Variants in PIGU observed in about 807,000 individuals in gnomAD.
PIGU encodes the protein GPI-anchor transamidase component PIGU.
In PIGU, 24 loss-of-function variants were observed where a neutral mutation model predicts 49.9. That is an observed-to-expected ratio of 0.48 (90% confidence interval 0.35 to 0.68). The LOEUF (loss-of-function observed/expected upper bound fraction) is 0.68. Among genes scored for constraint, PIGU ranks in the 30% least tolerant of loss-of-function variants. The probability of loss-of-function intolerance (pLI) is 0.01; values close to 1 mark genes in which losing one functional copy is unlikely to be tolerated. For missense variants in PIGU, 490 were observed against 532.6 expected (o/e 0.92, Z 0.79); for synonymous variants, 220 against 205.7 (o/e 1.07, Z -0.59).
chr20:34,587,266 A>G (rs1458358690), intron 8 of PIGU, among the ~76,000 whole-genome samples: 1 of 152,204 alleles, frequency 6.6e-6, no homozygotes, highest in East Asian at 1.9e-4. Flanking sequence ...AACCGCTGCT[A>G]TTTAATATAA....
intron 7 of PIGU, among the ~76,000 whole-genome samples, chr20:34,604,922 C>T (rs1463240046): frequency 6.6e-6 from 1 of 152,068 alleles, no homozygotes; most frequent in Non-Finnish European, 1.5e-5. Flanking sequence ...AGGCCTCAAA[C>T]CATCCAAGGG....
chr20:34,574,736 G>T (rs991461099), intron 11 of PIGU, among the ~76,000 whole-genome samples: 27 of 152,074 alleles, frequency 1.8e-4, no homozygotes, highest in African/African-American at 6.3e-4. Flanking sequence ...TACAGAAAGG[G>T]GTGCCTCAGA....
intron 6 of PIGU, among the ~76,000 whole-genome samples, chr20:34,622,100 C>T (rs968416131): frequency 6.6e-6 from 1 of 152,122 alleles, no homozygotes; most frequent in Non-Finnish European, 1.5e-5. Context: ...AAAAGGGGCT[C>T]CCGTGGATGC....
At chr20:34,561,027 A>C in intron 11 of PIGU, 48 bp from the exon 12 acceptor site, 1 of 1,348,052 alleles carries the variant, frequency 7.4e-7, no homozygotes, top group Non-Finnish European at 1.0e-6. Flanking sequence ...CCTCCCCCTA[A>C]ACCCAGGATC....
At chr20:34,647,673 T>C (rs73260938) in intron 2 of PIGU, among the ~76,000 whole-genome samples, 183 of 152,282 alleles carry the variant, frequency 1.2e-3, no homozygotes, top group African/African-American at 4.2e-3. Context: ...CCATTCTTTT[T>C]ATATTTTTAT....
At chr20:34,606,350 G>T (rs889472901) in intron 7 of PIGU, among the ~76,000 whole-genome samples, 4 of 150,368 alleles carry the variant, frequency 2.7e-5, no homozygotes, top group African/African-American at 9.8e-5. Flanking sequence ...CTTTATAGCT[G>T]TTTTTTTCAA....
chr20:34,649,435 G>A (rs1318061897), intron 2 of PIGU, among the ~76,000 whole-genome samples: 3 of 142,968 alleles, frequency 2.1e-5, no homozygotes, highest in Non-Finnish European at 4.5e-5. Context: ...CTCCAAGTTT[G>A]AATCTAGGTA....
At chr20:34,675,854 A>C (rs1334271096) in intron 1 of PIGU, among the ~76,000 whole-genome samples, 1 of 152,078 alleles carries the variant, frequency 6.6e-6, no homozygotes, top group Non-Finnish European at 1.5e-5. Flanking sequence ...TAAACAAAAA[A>C]CAAAAACAAA....
At chr20:34,668,981 C>T (rs1025332187) in intron 1 of PIGU, among the ~76,000 whole-genome samples, 9 of 141,882 alleles carry the variant, frequency 6.3e-5, no homozygotes, top group African/African-American at 2.3e-4. Context: ...TCATCCCAGG[C>T]TCAAGCAATC....
rs1282501904 is a variant in PIGU, at chr20:34,634,756, CA to C, written c.429-42del. 4 of 1,598,328 alleles carry C rather than the reference CA, an allele frequency of 2.5e-6. No homozygotes were observed. In the African/African-American group the frequency reaches 5.4e-5, roughly 21 times the overall value. ...CATATTTGGCATTAGTAATCCTGACCAAGGAGCCCTCGCCATTACAGCAAGG... is the reference window on the plus strand; with the variant it reads ...CATATTTGGCATTAGTAATCCTGACCAGGAGCCCTCGCCATTACAGCAAGG... On this transcript the variant is annotated intron_variant, in intron 5 of 11. Coordinates refer to ENST00000217446, the MANE Select transcript of PIGU (RefSeq NM_080476.5).
intron 7 of PIGU, among the ~76,000 whole-genome samples, chr20:34,593,785 T>C (rs1176172017): frequency 1.3e-5 from 2 of 152,152 alleles, no homozygotes; most frequent in Non-Finnish European, 1.5e-5. Context: ...GAAAAAAACA[T>C]GGTGAACTTG....
In PIGU at chr20:34,624,550, A is replaced by G. The variant is rs186436994; in HGVS notation, c.530-8411T>C. Among the ~76,000 whole-genome samples the G allele has an allele frequency of 2.2e-3, 335 of 152,350 alleles. 1 individual carries two copies. The highest frequency in any genetic ancestry group is 7.6e-3 in the African/African-American group (315 of 41,584). On this transcript the variant is annotated intron_variant, in intron 6 of 11. Coordinates refer to ENST00000217446, the MANE Select transcript of PIGU (RefSeq NM_080476.5). ...AAAGCTGGAAGAACCCTTAGGTGGC[A>G]AACTTCAAGAATATCTCGCTGTTGA...
chr20:34,598,111 T>G (rs1162977817), intron 7 of PIGU, among the ~76,000 whole-genome samples: 1 of 151,800 alleles, frequency 6.6e-6, no homozygotes, highest in African/African-American at 2.4e-5. Flanking sequence ...AGGGAAGGAG[T>G]GCAGTGTAGA....
chr20:34,603,995 G>A (rs1658375756), intron 7 of PIGU, among the ~76,000 whole-genome samples: 1 of 152,080 alleles, frequency 6.6e-6, no homozygotes, highest in African/African-American at 2.4e-5. Flanking sequence ...AAAGGGGACA[G>A]ATCTTACAAT....
intron 2 of PIGU, among the ~76,000 whole-genome samples, chr20:34,656,496 A>C (rs71337953): frequency 7.0e-6 from 1 of 143,580 alleles, no homozygotes. Context: ...GTTAGCCAGG[A>C]TGGTTTCGAT....
intron 11 of PIGU, among the ~76,000 whole-genome samples, chr20:34,570,233 T>C (rs1982947229): frequency 1.3e-5 from 2 of 152,134 alleles, no homozygotes; most frequent in South Asian, 4.1e-4. Flanking sequence ...CTTTCATCAT[T>C]ATGTCAATAA....
chr20:34,593,847 C>G (rs1456815748), intron 7 of PIGU, among the ~76,000 whole-genome samples: 1 of 152,180 alleles, frequency 6.6e-6, no homozygotes, highest in African/African-American at 2.4e-5. Context: ...CCACTGCACT[C>G]CAGCCTGGGG....
At chr20:34,569,456 C>T (rs749823183) in intron 11 of PIGU, among the ~76,000 whole-genome samples, 1 of 152,054 alleles carries the variant, frequency 6.6e-6, no homozygotes, top group Non-Finnish European at 1.5e-5. Context: ...TTCTCGAACT[C>T]CTAAGCTCAA....
chr20:34,659,246 G>GT (rs1986838364), intron 1 of PIGU, among the ~76,000 whole-genome samples: 1 of 110,176 alleles, frequency 9.1e-6, no homozygotes, highest in Non-Finnish European at 2.0e-5. Context: ...CGTCCGGGAG[G>GT]GAGGTGGGGG....
Sources: allele counts gnomAD v4.1 joint callset (sites outside exome capture counted in the v4.1 genomes callset), GRCh38; gene constraint gnomAD v4.1.1; transcripts MANE v1.5; gene names NCBI Gene and HGNC (gene_info 2026-07-23, HGNC 2026-07-21).